ACAD10: variants seen among roughly 807,000 people sequenced by gnomAD.
ACAD10 encodes ACAD-10.
In ACAD10, 112 loss-of-function variants were observed where a neutral mutation model predicts 116.8. The ratio of observed to expected loss-of-function variants is 0.96; its 90% CI spans 0.82 to 1.12. ACAD10 has a LOEUF of 1.12. Ranked by LOEUF, ACAD10 falls within the 50% of genes most tolerant of loss-of-function variation. The probability of loss-of-function intolerance (pLI) is 0.00; values close to 1 mark genes in which losing one functional copy is unlikely to be tolerated. For missense variants in ACAD10, 1,259 were observed against 1,350.2 expected (o/e 0.93, Z 1.06); for synonymous variants, 486 against 510.6 (o/e 0.95, Z 0.65).
chr12:111,756,035 A>G (rs2068081086), intron 20 of ACAD10: 2 of 1,007,094 alleles, frequency 2.0e-6, no homozygotes, highest in Admixed American at 5.9e-5. Flanking sequence ...GGGTTTTCAT[A>G]AGCCCAGAGC....
chr12:111,753,909 A>G lies in ACAD10; in HGVS notation c.2955A>G (p.Gly985=). ...CTGCCCACCTCATGGACCTGGCAGG[A>G]AACAAGGTAGGGGCAGGGGCACGAG... ...LRAAHLMDLA[G]NKAAALDIAM... is the part of the protein sequence containing the mutation. Residue 985 remains glycine, a synonymous_variant, in exon 19 of 21, where the codon GGA becomes GGG. Coordinates refer to ENST00000313698, the MANE Select transcript of ACAD10 (RefSeq NM_025247.6). 1 of 1,605,156 alleles carries G rather than the reference A, an allele frequency of 6.2e-7. No homozygotes were observed. Among genetic ancestry groups the G allele is most frequent in the Non-Finnish European group, 8.5e-7 (1 of 1,173,990 alleles).
intron 10 of ACAD10, chr12:111,733,661 C>G (rs1889466181): frequency 3.9e-6 from 2 of 508,470 alleles, no homozygotes; most frequent in Non-Finnish European, 7.1e-6. Context: ...GAGGCTAGCT[C>G]TCTGGGGAAG....
chr12:111,715,779 C>T (rs1189764541), intron 6 of ACAD10, 42 bp from the exon 7 acceptor site: 10 of 1,613,476 alleles, frequency 6.2e-6, no homozygotes, highest in Middle Eastern at 1.7e-4. Flanking sequence ...CAGATCTGTC[C>T]TCCAGGGCTG....
At position 111,690,150 on chromosome 12, in the gene ACAD10, A is replaced by T. The variant is rs1344174718; in HGVS notation, c.-13-2547A>T. On this transcript the variant is annotated intron_variant, in intron 1 of 20. Transcript: ENST00000313698. ...AAGAGTCCTTTCTCTAGGTGCTTAT[A>T]GAGGTTGAGTATCCCTTGTCCCAAA... Among the ~76,000 whole-genome samples the T allele has an allele frequency of 1.3e-5, 2 of 152,216 alleles. 1 individual carries two copies. The highest frequency in any genetic ancestry group is 3.8e-4 in the East Asian group (2 of 5,196).
At chr12:111,745,318 C>T (rs960518194) in intron 13 of ACAD10, 23 of 494,236 alleles carry the variant, frequency 4.7e-5, no homozygotes, top group Non-Finnish European at 7.8e-5. Context: ...CAGGTTAGGC[C>T]TATCTGATGG....
intron 3 of ACAD10, among the ~76,000 whole-genome samples, 185 bp from the exon 4 acceptor site, chr12:111,705,553 A>G (rs1346996575): frequency 6.6e-6 from 1 of 152,060 alleles, no homozygotes; most frequent in Non-Finnish European, 1.5e-5. Flanking sequence ...ACTTTTAAAA[A>G]CCTTATATGA....
intron 12 of ACAD10, among the ~76,000 whole-genome samples, chr12:111,738,077 G>A (rs866018919): frequency 6.6e-5 from 10 of 151,816 alleles, no homozygotes; most frequent in South Asian, 6.2e-4. Context: ...GGCTGGTTTC[G>A]AACTCCTGAC....
At chr12:111,749,430 T>C in intron 18 of ACAD10, 85 bp downstream of exon 18, 1 of 1,512,922 alleles carries the variant, frequency 6.6e-7, no homozygotes, top group South Asian at 1.2e-5. Flanking sequence ...ACCTGTTTTC[T>C]GAGTGCAGTC....
intron 11 of ACAD10, among the ~76,000 whole-genome samples, chr12:111,736,331 C>T (rs1566162158): frequency 6.6e-6 from 1 of 151,920 alleles, no homozygotes; most frequent in African/African-American, 2.4e-5. Flanking sequence ...GCTGGGATTA[C>T]AGGTGCACGC....
At chr12:111,753,505 G>C (rs759744044) in intron 18 of ACAD10, 5 of 672,862 alleles carry the variant, frequency 7.4e-6, no homozygotes, top group African/African-American at 3.5e-5. Context: ...TGGAATAAAG[G>C]GTTCTTGGAA....
chr12:111,701,051 A>G (rs1888335494), intron 2 of ACAD10, among the ~76,000 whole-genome samples: 2 of 151,966 alleles, frequency 1.3e-5, no homozygotes, highest in African/African-American at 4.8e-5. Context: ...GAGCTACTGC[A>G]CCCAGCCTAC....
chr12:111,745,487 G>A (rs887170716), intron 13 of ACAD10: 8 of 219,844 alleles, frequency 3.6e-5, no homozygotes, highest in African/African-American at 1.4e-4. Context: ...AGAAACACCC[G>A]CTGTTCCTTA....
intron 1 of ACAD10, among the ~76,000 whole-genome samples, chr12:111,692,091 C>A (rs1166921255): frequency 6.6e-6 from 1 of 152,190 alleles, no homozygotes; most frequent in Admixed American, 6.5e-5. Context: ...GCCTCAGCCT[C>A]CTGAGTAGCT....
intron 20 of ACAD10, 109 bp from the exon 21 acceptor site, chr12:111,756,224 A>T: frequency 6.9e-7 from 1 of 1,456,808 alleles, no homozygotes; most frequent in South Asian, 1.5e-5. Context: ...GCCACAGGGA[A>T]GTCCGGGAAG....
At chr12:111,708,471 C>CTT (rs200037659) in intron 4 of ACAD10, among the ~76,000 whole-genome samples, 6 of 146,780 alleles carry the variant, frequency 4.1e-5, no homozygotes, top group Admixed American at 1.4e-4. Flanking sequence ...GCCTCTTAGA[C>CTT]TTTTTTTTTT....
At chr12:111,687,339 G>A (rs951352462) in intron 1 of ACAD10, among the ~76,000 whole-genome samples, 9 of 151,910 alleles carry the variant, frequency 5.9e-5, no homozygotes, top group Non-Finnish European at 5.9e-5. Context: ...TAACATTTTG[G>A]GTCCTGATTA....
intron 2 of ACAD10, 176 bp downstream of exon 2, chr12:111,693,072 T>G: frequency 1.6e-6 from 1 of 639,668 alleles, no homozygotes; most frequent in Non-Finnish European, 2.7e-6. Flanking sequence ...GGCGCATGAT[T>G]CAGCTTCTCC....
At chr12:111,743,354 T>A (rs1889800602) in intron 12 of ACAD10, among the ~76,000 whole-genome samples, 1 of 150,986 alleles carries the variant, frequency 6.6e-6, no homozygotes, top group Non-Finnish European at 1.5e-5. Context: ...AATTTCCAGA[T>A]GATGGAAATA....
At position 111,705,856 on chromosome 12, in the gene ACAD10, C is replaced by A; in HGVS notation, c.455C>A (p.Thr152Asn). 4 of 1,614,174 alleles carry A rather than the reference C, an allele frequency of 2.5e-6. No homozygotes were observed. The highest frequency in any genetic ancestry group is 1.1e-5 in the South Asian group (1 of 91,082). ...CAAATTCGGGCAAAAGGTCTTCAGA[C>A]TGCAGTCTTGAGCAATAATTTTTAT... ...ITQIRAKGLQ[T>N]AVLSNNFYLP... The change falls in exon 4 of 21, where the codon ACT becomes AAT. Residue 152 changes from threonine to asparagine, a missense_variant. Physicochemically the swap from Thr to Asn is moderately conservative, Grantham distance 65. Transcript: ENST00000313698.
Sources: allele counts gnomAD v4.1 joint callset (sites outside exome capture counted in the v4.1 genomes callset), GRCh38; gene constraint gnomAD v4.1.1; transcripts MANE v1.5; gene names NCBI Gene and HGNC (gene_info 2026-07-23, HGNC 2026-07-21).